LAMA4: variants seen among roughly 807,000 people sequenced by gnomAD.
The protein encoded by LAMA4 is laminin subunit alpha-4.
Under a neutral mutation model 207.1 loss-of-function variants are expected in LAMA4, and 127 were observed. That is an observed-to-expected ratio of 0.61 (90% CI 0.53 to 0.71). LAMA4 has a LOEUF of 0.71. LAMA4 is among the 30% of genes least tolerant of loss of function. LAMA4 has a pLI of 0.00. For missense variants in LAMA4, 2,093 were observed against 2,246.5 expected (o/e 0.93, Z 1.38); for synonymous variants, 761 against 816.0 (o/e 0.93, Z 1.15).
At chr6:112,222,270 T>A (rs1784966083) in intron 2 of LAMA4, among the ~76,000 whole-genome samples, 1 of 152,240 alleles carries the variant, frequency 6.6e-6, no homozygotes, top group Non-Finnish European at 1.5e-5. Context: ...TGACAGCGAT[T>A]TCACCATAAC....
chr6:112,150,859 G>A (rs2114755645), intron 16 of LAMA4, among the ~76,000 whole-genome samples: 1 of 152,212 alleles, frequency 6.6e-6, no homozygotes, highest in African/African-American at 2.4e-5. Context: ...TGCCATCATG[G>A]TTACTTTCTT....
In LAMA4 at chr6:112,254,270, G is replaced by C. The variant is rs1247232083; in HGVS notation, c.-120C>G. The C allele has an allele frequency of 8.6e-6, 11 of 1,281,884 alleles. No homozygotes were observed. The highest frequency in any genetic ancestry group is 1.1e-5 in the Non-Finnish European group (10 of 898,420). 79.4% of individuals were successfully genotyped at this position (1,281,884 alleles called of 1,614,324 possible). On this transcript the variant is annotated 5_prime_UTR_variant, in exon 2 of 39. Transcript: ENST00000230538. ...CCCTCCTCTCCGTGTGCAGTATCCC[G>C]AGGTGGCTGCGCAACCAGCAGCTTA...
At chr6:112,237,563 G>A (rs1197333558) in intron 2 of LAMA4, among the ~76,000 whole-genome samples, 4 of 152,306 alleles carry the variant, frequency 2.6e-5, no homozygotes, top group East Asian at 1.9e-4. Context: ...CCGCTGCTCC[G>A]GAGGACTTGA....
chr6:112,142,667 A>G (rs1247578777), intron 19 of LAMA4, among the ~76,000 whole-genome samples: 5 of 152,168 alleles, frequency 3.3e-5, no homozygotes, highest in Admixed American at 6.5e-5. Context: ...AAGTAGAACT[A>G]ATTTTGGTTA....
rs1166008465 is a variant in LAMA4, at chr6:112,235,574, C to T, written c.195+18382G>A. Among the ~76,000 whole-genome samples the T allele has an allele frequency of 5.9e-5, 9 of 152,008 alleles. No individual in the cohort carries two copies. In the East Asian group the frequency reaches 9.6e-4, roughly 16 times the overall value. ...TCTTAAGGTCATGTGGAAACCTGAC[C>T]GATCACTGTGTACAGGAGGAATACC... On this transcript the variant is annotated intron_variant, in intron 2 of 38. Coordinates refer to ENST00000230538, the MANE Select transcript of LAMA4 (RefSeq NM_001105206.3).
intron 22 of LAMA4, among the ~76,000 whole-genome samples, chr6:112,140,541 A>C (rs1314670740): frequency 1.3e-5 from 2 of 152,196 alleles, no homozygotes; most frequent in Non-Finnish European, 2.9e-5. Context: ...GATCTTCAGG[A>C]GTTAGCTATA....
intron 19 of LAMA4, among the ~76,000 whole-genome samples, chr6:112,144,207 C>T (rs1354715371): frequency 6.6e-6 from 1 of 152,214 alleles, no homozygotes; most frequent in Non-Finnish European, 1.5e-5. Context: ...TAGTTATCTT[C>T]TGCTAAGTTG....
intron 30 of LAMA4, among the ~76,000 whole-genome samples, 171 bp downstream of exon 30, chr6:112,129,705 A>G (rs1479096857): frequency 1.3e-5 from 2 of 152,160 alleles, no homozygotes; most frequent in African/African-American, 4.8e-5. Context: ...TAAAGGGCAA[A>G]GAACCTACAC....
At position 112,154,860 on chromosome 6, in the gene LAMA4, C is replaced by G. The variant is rs782183660; in HGVS notation, c.2047G>C (p.Ala683Pro). ...AAGTGAAGATATTTACTAGACTCTG[C>G]CTTTGCTTGCAGTTCTCTGGCTTGA... ...LNQARELQAK[A>P]ESSSDEAVAD... The change falls in exon 16 of 39, where the codon GCA becomes CCA. Residue 683 changes from alanine (A) to proline (P), a missense_variant. By Grantham distance (27) the Ala-to-Pro change is conservative. Transcript: ENST00000230538. 1 of 1,602,140 alleles carries G rather than the reference C, an allele frequency of 6.2e-7. No individual in the cohort carries two copies. The highest frequency in any genetic ancestry group is 8.6e-7 in the Non-Finnish European group (1 of 1,169,198).
chr6:112,137,854 T>C (rs190397407), intron 24 of LAMA4, among the ~76,000 whole-genome samples: 123 of 152,244 alleles, frequency 8.1e-4, no homozygotes, highest in Middle Eastern at 3.4e-3. Context: ...TGATGACAAA[T>C]GTCTGACAGT....
chr6:112,121,622 T>C (rs116380765), intron 32 of LAMA4, among the ~76,000 whole-genome samples: 1,601 of 152,334 alleles, frequency 0.011, 25 homozygotes, highest in African/African-American at 0.034. Context: ...GTATTTTCAA[T>C]GCCTTTCCTT....
In LAMA4 at chr6:112,172,678, G is replaced by T. The variant is rs1386126180; in HGVS notation, c.1484C>A (p.Ala495Asp). 3.7e-6 allele frequency: 6 copies of T among 1,613,720 alleles called. No homozygotes were observed. Among genetic ancestry groups the T allele is most frequent in the Non-Finnish European group, 5.1e-6 (6 of 1,179,986 alleles). ...LSDLQEALDQ[A>D]LNYVRDAEDM... is the part of the protein sequence containing the mutation. Reference sequence around the variant, plus strand: ...TTCGGCATCCCTGACATAGTTAAGGGCCTGGTCAAGTGCTTCCTGGAGATC... The same window carrying T: ...TTCGGCATCCCTGACATAGTTAAGGTCCTGGTCAAGTGCTTCCTGGAGATC... Residue 495 changes from alanine to aspartate, a missense_variant, in exon 12 of 39, where the codon GCC becomes GAC. Ala to Asp is a moderately radical substitution (Grantham distance 126, BLOSUM62 -2). This residue lies in a region of LAMA4 where 1,704 missense variants were observed against 1,788.4 expected (regional missense o/e 0.95). Coordinates refer to ENST00000230538, the MANE Select transcript of LAMA4 (RefSeq NM_001105206.3).
rs782554912 is a variant in LAMA4 at position 112,165,300 on chromosome 6, G to C, written c.1552-24C>G. 2.1e-6 allele frequency: 3 copies of C among 1,439,984 alleles called. No homozygotes were observed. In the South Asian group the frequency reaches 3.4e-5, roughly 16 times the overall value. 89.2% of individuals were successfully genotyped at this position (1,439,984 alleles called of 1,614,324 possible). ...TTCTGCGGGAAGGAAGAGTAAGGGAGAGTGAAGTGAATATGTCTTTAGGGA... is the reference window on the plus strand; with the variant it reads ...TTCTGCGGGAAGGAAGAGTAAGGGACAGTGAAGTGAATATGTCTTTAGGGA... On this transcript the variant is annotated intron_variant, in intron 12 of 38. Coordinates refer to ENST00000230538, the MANE Select transcript of LAMA4 (RefSeq NM_001105206.3).
intron 34 of LAMA4, 55 bp downstream of exon 34, chr6:112,119,096 CAATTA>C (rs1166941636): frequency 3.2e-6 from 5 of 1,555,136 alleles, no homozygotes; most frequent in Non-Finnish European, 4.4e-6. Context: ...ACGAGGGCCT[CAATTA>C]GATGATCTTC....
intron 8 of LAMA4, among the ~76,000 whole-genome samples, chr6:112,187,119 T>G (rs1228011932): frequency 1.3e-5 from 2 of 152,250 alleles, no homozygotes; most frequent in Non-Finnish European, 2.9e-5. Context: ...TGGTAATGAC[T>G]TAAACAAGTA....
chr6:112,161,509 T>C (rs1781049426), intron 13 of LAMA4, among the ~76,000 whole-genome samples: 1 of 152,248 alleles, frequency 6.6e-6, no homozygotes, highest in Admixed American at 6.5e-5. Context: ...CTTTTACTCA[T>C]TCATTCCATC....
At chr6:112,115,435 T>C (rs1777959567) in intron 36 of LAMA4, among the ~76,000 whole-genome samples, 1 of 152,166 alleles carries the variant, frequency 6.6e-6, no homozygotes, top group African/African-American at 2.4e-5. Context: ...TAATTTTTTA[T>C]TTCTATCAAT....
chr6:112,205,755 C>T (rs1784021345), intron 4 of LAMA4, among the ~76,000 whole-genome samples: 1 of 152,100 alleles, frequency 6.6e-6, no homozygotes, highest in Non-Finnish European at 1.5e-5. Flanking sequence ...CCAGAGGCAC[C>T]ACCGAGGAAC....
intron 12 of LAMA4, among the ~76,000 whole-genome samples, chr6:112,167,668 C>T (rs1554340454): frequency 1.3e-5 from 2 of 152,080 alleles, no homozygotes; most frequent in African/African-American, 4.8e-5. Flanking sequence ...GTACATAAAT[C>T]AAATCTGTAT....
Sources: gnomAD v4.1 joint callset for allele counts (sites outside exome capture counted in the v4.1 genomes callset) on GRCh38, gnomAD v4.1.1 for gene constraint, gnomAD v4.1.1 regional missense constraint, MANE v1.5 for transcripts, NCBI Gene and HGNC (gene_info 2026-07-23, HGNC 2026-07-21) for gene names.